ALDH1L1: variants seen among roughly 807,000 people sequenced by gnomAD.
ALDH1L1 encodes aldehyde dehydrogenase 1 family member L1.
ALDH1L1 carries 68 observed loss-of-function variants against 101.1 expected under a neutral mutation model. The ratio of observed to expected loss-of-function variants is 0.67; its 90% CI spans 0.55 to 0.82. ALDH1L1 has a LOEUF of 0.82. ALDH1L1 is among the 40% of genes least tolerant of loss of function. The pLI, the probability that ALDH1L1 is intolerant of heterozygous loss-of-function variation, is 0.00. For missense variants in ALDH1L1, 1,087 were observed against 1,172.7 expected, an observed-to-expected ratio of 0.93 and a Z score of 1.07; for synonymous variants, 486 against 470.8, an observed-to-expected ratio of 1.03 and a Z score of -0.42.
intron 18 of ALDH1L1, among the ~76,000 whole-genome samples, chr3:126,114,160 T>C (rs544139272): frequency 6.6e-6 from 1 of 152,238 alleles, no homozygotes; most frequent in Non-Finnish European, 1.5e-5. Context: ...GGATTACATA[T>C]AGATGGTAAA....
chr3:126,130,358 C>A, intron 13 of ALDH1L1, 65 bp from the exon 14 acceptor site: 3 of 1,415,846 alleles, frequency 2.1e-6, no homozygotes, highest in East Asian at 2.6e-5. Flanking sequence ...CTCTAGGCAG[C>A]AAGTCTCCAC....
chr3:126,187,200 G>C (rs2081524525), intron 1 of ALDH1L1, among the ~76,000 whole-genome samples: 1 of 152,144 alleles, frequency 6.6e-6, no homozygotes, highest in African/African-American at 2.4e-5. Context: ...AGCTGAGAAG[G>C]AAAAGTTGAA....
chr3:126,178,637 G>A (rs888418321), intron 1 of ALDH1L1, among the ~76,000 whole-genome samples: 2 of 151,968 alleles, frequency 1.3e-5, no homozygotes, highest in Admixed American at 6.6e-5. Flanking sequence ...AATATAAGAA[G>A]AAAACATTAA....
chr3:126,107,460 G>A (rs1408007938), intron 20 of ALDH1L1, among the ~76,000 whole-genome samples: 1 of 152,242 alleles, frequency 6.6e-6, no homozygotes, highest in African/African-American at 2.4e-5. Flanking sequence ...TTTTAACGGA[G>A]TGCTGTTGAG....
intron 20 of ALDH1L1, among the ~76,000 whole-genome samples, chr3:126,108,515 T>C (rs1348623810): frequency 1.3e-5 from 2 of 152,172 alleles, no homozygotes; most frequent in African/African-American, 4.8e-5. Context: ...GTCCTGGTGA[T>C]GCTCCCCCAA....
At chr3:126,157,711 A>G (rs1482839090) in intron 3 of ALDH1L1, among the ~76,000 whole-genome samples, 1 of 152,176 alleles carries the variant, frequency 6.6e-6, no homozygotes, top group East Asian at 1.9e-4. Context: ...TAAAAGCTCT[A>G]TATGCCTTAT....
chr3:126,124,428 C>T lies in ALDH1L1; in HGVS notation c.1824G>A (p.Lys608=). ...CGGCCTTTAATGTCAGCTCTGCAAA[C>T]TTCAAGGCTGTGAGTGGGGTCACCT... The part of the protein sequence containing the change: ...PAQVTPLTAL[K]FAELTLKAGI... The change falls in exon 16 of 23, where the codon AAG becomes AAA. Residue 608 remains lysine, a synonymous_variant. Coordinates refer to ENST00000393434, the MANE Select transcript of ALDH1L1 (RefSeq NM_012190.4). 6.2e-7 allele frequency: 1 copy of T among 1,612,338 alleles called. No homozygotes were observed. Among genetic ancestry groups the T allele is most frequent in the Non-Finnish European group, 8.5e-7 (1 of 1,179,278 alleles).
upstream of ALDH1L1, among the ~76,000 whole-genome samples, chr3:126,184,558 C>T (rs982732930): frequency 1.1e-4 from 17 of 152,162 alleles, no homozygotes; most frequent in African/African-American, 2.9e-4. Flanking sequence ...AGCCTCTGCC[C>T]GGGCTTTCCG....
intron 17 of ALDH1L1, among the ~76,000 whole-genome samples, chr3:126,115,818 G>A (rs2079955478): frequency 6.6e-6 from 1 of 151,294 alleles, no homozygotes; most frequent in Non-Finnish European, 1.5e-5. Context: ...CAGGTGATCT[G>A]CCCACCTCGG....
chr3:126,181,426 A>G (rs1351889960), upstream of ALDH1L1: 2 of 279,654 alleles, frequency 7.2e-6, no homozygotes, highest in Non-Finnish European at 1.4e-5. Context: ...CTCTCTGCTC[A>G]GTGCCTGAAC....
chr3:126,143,078 G>T (rs1424830950), intron 9 of ALDH1L1, among the ~76,000 whole-genome samples: 1 of 152,150 alleles, frequency 6.6e-6, no homozygotes, highest in Non-Finnish European at 1.5e-5. Context: ...ACCTACAGTT[G>T]GGAAACTCAT....
At chr3:126,111,189 C>A (rs1413067695) in intron 19 of ALDH1L1, among the ~76,000 whole-genome samples, 1 of 152,254 alleles carries the variant, frequency 6.6e-6, no homozygotes, top group Non-Finnish European at 1.5e-5. Context: ...TTGTGCCTCC[C>A]ATCACGTGGT....
chr3:126,127,554 T>C (rs756476083), intron 14 of ALDH1L1, among the ~76,000 whole-genome samples: 1 of 152,090 alleles, frequency 6.6e-6, no homozygotes, highest in Non-Finnish European at 1.5e-5. Context: ...CAAGCAAGGT[T>C]TCTTGGTGTC....
intron 8 of ALDH1L1, among the ~76,000 whole-genome samples, chr3:126,148,321 G>C (rs973828706): frequency 2.0e-5 from 3 of 152,180 alleles, no homozygotes; most frequent in African/African-American, 7.2e-5. Flanking sequence ...TTCTGCCATG[G>C]GCAGCAACTG....
At chr3:126,161,458 C>G (rs2081048777) in intron 1 of ALDH1L1, among the ~76,000 whole-genome samples, 1 of 152,214 alleles carries the variant, frequency 6.6e-6, no homozygotes, top group Non-Finnish European at 1.5e-5. Flanking sequence ...CCAGGAGTCA[C>G]AAAAGGAGCA....
rs568638391 is a variant in ALDH1L1 at position 126,112,723 on chromosome 3, C to G, written c.2181+59G>C. The G allele has an allele frequency of 1.0e-4, 155 of 1,507,360 alleles. 1 individual carries two copies. The Admixed American group carries it at 1.3e-3, about 12-fold the overall frequency. 93.4% of individuals were successfully genotyped at this position (1,507,360 alleles called of 1,614,324 possible). A position where few individuals can be genotyped will look rare whatever the true frequency, so the allele number is the denominator to read the frequency against. ...CTGTCTCCCCTCCTCCAACCCCCTC[C>G]AGCCAGGCGCTGCTGTCCCAGTGAA... On this transcript the variant is annotated intron_variant, in intron 19 of 22. Transcript: ENST00000393434.
chr3:126,111,728 G>C (rs1946083327), intron 19 of ALDH1L1, among the ~76,000 whole-genome samples: 1 of 152,172 alleles, frequency 6.6e-6, no homozygotes, highest in African/African-American at 2.4e-5. Context: ...TGGTTTCCCA[G>C]GTACCATCTC....
At chr3:126,157,272 G>T in intron 4 of ALDH1L1, 71 bp downstream of exon 4, 1 of 1,503,166 alleles carries the variant, frequency 6.7e-7, no homozygotes. Context: ...CAGGAGCGGT[G>T]GGCTGGGTCT....
upstream of ALDH1L1, chr3:126,181,009 C>T (rs1472261340): frequency 3.7e-6 from 6 of 1,604,858 alleles, no homozygotes; most frequent in South Asian, 1.1e-5. Flanking sequence ...CGCTGCCCTC[C>T]GGGAATTTGC....
Sources: allele counts gnomAD v4.1 joint callset (sites outside exome capture counted in the v4.1 genomes callset), GRCh38; gene constraint gnomAD v4.1.1; transcripts MANE v1.5; gene names NCBI Gene and HGNC (gene_info 2026-07-23, HGNC 2026-07-21).